Variants in NUP35 observed in about 807,000 individuals in gnomAD.
NUP35 encodes the protein nucleoporin NUP35.
Under a neutral mutation model 41.5 loss-of-function variants are expected in NUP35, and 25 were observed. The ratio of observed to expected loss-of-function variants is 0.60; its 90% confidence interval spans 0.44 to 0.84. The LOEUF (loss-of-function observed/expected upper bound fraction) is 0.84. NUP35 is among the 40% of genes least tolerant of loss of function. The probability of loss-of-function intolerance (pLI) is 0.00; values close to 1 mark genes in which losing one functional copy is unlikely to be tolerated. For missense variants in NUP35, 396 were observed against 396.6 expected (o/e 1.00, Z 0.01); for synonymous variants, 149 against 130.7 (o/e 1.14, Z -0.96).
intron 5 of NUP35, among the ~76,000 whole-genome samples, chr2:183,156,691 T>C (rs1339216544): frequency 7.2e-6 from 1 of 138,544 alleles, no homozygotes; most frequent in Non-Finnish European, 1.6e-5. Flanking sequence ...TTTTTGAGAC[T>C]CGAATTTTTT....
intron 4 of NUP35, among the ~76,000 whole-genome samples, chr2:183,142,953 G>C (rs1201808531): frequency 2.0e-5 from 3 of 151,642 alleles, no homozygotes; most frequent in South Asian, 2.1e-4. Flanking sequence ...TCAGGAGATC[G>C]AGACCGTCCT....
upstream of NUP35, among the ~76,000 whole-genome samples, chr2:183,122,077 C>T: frequency 6.7e-6 from 1 of 150,030 alleles, no homozygotes. Flanking sequence ...TTTTCTTTTT[C>T]TTTTCTTTTT....
chr2:183,133,111 A>G lies in NUP35; in HGVS notation c.340-455A>G, dbSNP rs115912889. Among the ~76,000 whole-genome samples, 1,385 of 152,270 alleles carry G rather than the reference A, an allele frequency of 9.1e-3. 5 individuals are homozygous for G. Among genetic ancestry groups the G allele is most frequent in the Middle Eastern group, 0.02 (6 of 294 alleles). ...TTTGGAACTTTCTACTGGTAGTGGTAGGGATATGCTGTCTTTTATTGTTTA... is the reference window on the plus strand; with the variant it reads ...TTTGGAACTTTCTACTGGTAGTGGTGGGGATATGCTGTCTTTTATTGTTTA... On this transcript the variant is annotated intron_variant, in intron 3 of 8. Transcript: ENST00000295119.
In NUP35 at chr2:183,133,207, G is replaced by A. The variant is rs77530900; in HGVS notation, c.340-359G>A. On this transcript the variant is annotated intron_variant, in intron 3 of 8. Coordinates refer to ENST00000295119, the MANE Select transcript of NUP35 (RefSeq NM_138285.5). ...GAAAATCAAATTTTGTCACCCTTCT[G>A]TTTTTCTGTATGAACCTGGTCATTT... Among the ~76,000 whole-genome samples, 1,341 of 151,562 alleles carry A rather than the reference G, an allele frequency of 8.8e-3. 23 individuals carry two copies. The highest frequency in any genetic ancestry group is 0.032 in the African/African-American group (1,302 of 41,330).
chr2:183,124,626 T>A (rs1210471567), intron 1 of NUP35, 129 bp downstream of exon 1: 1 of 1,207,592 alleles, frequency 8.3e-7, no homozygotes, highest in East Asian at 2.4e-5. Context: ...AATCCTTGGG[T>A]GCCCCCAAGT....
chr2:183,134,531 C>T (rs1370583270), intron 4 of NUP35, among the ~76,000 whole-genome samples: 1 of 150,852 alleles, frequency 6.6e-6, no homozygotes, highest in Non-Finnish European at 1.5e-5. Flanking sequence ...TTCTGGAGGT[C>T]GGAAGTTTGA....
At chr2:183,144,830 A>G (rs750694539) in intron 4 of NUP35, among the ~76,000 whole-genome samples, 5 of 152,226 alleles carry the variant, frequency 3.3e-5, no homozygotes, top group Admixed American at 6.5e-5. Context: ...ATAGTTTTAG[A>G]TTATGTATAA....
At chr2:183,125,811 G>T (rs1194098134) in intron 1 of NUP35, among the ~76,000 whole-genome samples, 1 of 152,192 alleles carries the variant, frequency 6.6e-6, no homozygotes, top group Non-Finnish European at 1.5e-5. Flanking sequence ...GTGCCCACTG[G>T]TGTAGTAAAA....
intron 3 of NUP35, among the ~76,000 whole-genome samples, chr2:183,133,139 C>G (rs1019701206): frequency 6.6e-6 from 1 of 152,088 alleles, no homozygotes; most frequent in East Asian, 1.9e-4. Context: ...ATTGTTTAGA[C>G]TGATTTGAAT....
intron 4 of NUP35, among the ~76,000 whole-genome samples, chr2:183,135,999 A>G (rs965998377): frequency 6.6e-6 from 1 of 152,252 alleles, no homozygotes; most frequent in Non-Finnish European, 1.5e-5. Context: ...CACCCAATAC[A>G]AATTGGATCC....
At chr2:183,137,374 T>A (rs1038203985) in intron 4 of NUP35, among the ~76,000 whole-genome samples, 6 of 150,764 alleles carry the variant, frequency 4.0e-5, no homozygotes, top group African/African-American at 1.5e-4. Flanking sequence ...AGTCCAGGAG[T>A]TTTGAGACCA....
intron 5 of NUP35, among the ~76,000 whole-genome samples, chr2:183,155,276 C>G (rs2105612572): frequency 6.6e-6 from 1 of 152,280 alleles, no homozygotes; most frequent in East Asian, 1.9e-4. Flanking sequence ...TTTATGTATT[C>G]AATTTATTTA....
chr2:183,134,863 A>T (rs1313702710), intron 4 of NUP35, among the ~76,000 whole-genome samples: 1 of 149,866 alleles, frequency 6.7e-6, no homozygotes, highest in East Asian at 2.0e-4. Flanking sequence ...TGACCTTGTG[A>T]TCTACCCACC....
At chr2:183,152,201 A>G (rs1227093663) in intron 5 of NUP35, among the ~76,000 whole-genome samples, 3 of 48,162 alleles carry the variant, frequency 6.2e-5, no homozygotes, top group African/African-American at 1.4e-4. Flanking sequence ...ATTGAATATT[A>G]ATAGAAACAG....
chr2:183,151,484 A>G (rs1290802098), intron 4 of NUP35, 24 bp from the exon 5 acceptor site: 2 of 1,607,176 alleles, frequency 1.2e-6, no homozygotes, highest in East Asian at 2.2e-5. Context: ...ACTGGCAACT[A>G]ACTTGCTAAA....
intron 3 of NUP35, chr2:183,131,258 A>C (rs1199049287): frequency 6.3e-6 from 1 of 158,612 alleles, no homozygotes; most frequent in African/African-American, 2.4e-5. Flanking sequence ...CTTTTCTTTT[A>C]AGTAGAAAAT....
At chr2:183,151,002 G>T (rs1685451743) in intron 4 of NUP35, among the ~76,000 whole-genome samples, 1 of 152,200 alleles carries the variant, frequency 6.6e-6, no homozygotes, top group African/African-American at 2.4e-5. Flanking sequence ...ATTTTAGAAA[G>T]AAATGACCTG....
chr2:183,159,577 A>G lies in NUP35; in HGVS notation c.828A>G (p.Gln276=), dbSNP rs759549849. 7 of 1,613,334 alleles carry G rather than the reference A, an allele frequency of 4.3e-6. No homozygotes were observed. The highest frequency in any genetic ancestry group is 2.5e-6 in the Non-Finnish European group (3 of 1,179,516). The change falls in exon 8 of 9, where the codon CAA becomes CAG. Residue 276 remains glutamine (Q), a synonymous_variant. Transcript: ENST00000295119. Reference sequence around the variant, plus strand: ...TCAAAACTCTAGGTACACCAACACAACCTGGAAGTACTCCTAGGATTTCTA... The same window carrying G: ...TCAAAACTCTAGGTACACCAACACAGCCTGGAAGTACTCCTAGGATTTCTA... ...PPIKTLGTPT[Q]PGSTPRISTM...
chr2:183,138,379 A>G (rs1041475435), intron 4 of NUP35, among the ~76,000 whole-genome samples: 9 of 150,356 alleles, frequency 6.0e-5, no homozygotes, highest in African/African-American at 2.0e-4. Context: ...ATGTCATGGG[A>G]TATAATGGCA....
Sources: allele counts gnomAD v4.1 joint callset (sites outside exome capture counted in the v4.1 genomes callset), GRCh38; gene constraint gnomAD v4.1.1; transcripts MANE v1.5; gene names NCBI Gene and HGNC (gene_info 2026-07-23, HGNC 2026-07-21).